The following PLCB1 variants were observed in gnomAD, a reference collection of about 807,000 sequenced individuals.
PLCB1 encodes 1-phosphatidylinositol 4,5-bisphosphate phosphodiesterase beta-1.
A neutral mutation model predicts 161.8 loss-of-function variants in PLCB1; 46 were observed. That is an observed-to-expected ratio of 0.28 (90% confidence interval 0.22 to 0.36). The LOEUF is 0.36. Among genes scored for constraint, PLCB1 ranks in the 10% least tolerant of loss-of-function variants. The probability of loss-of-function intolerance (pLI) is 1.00; values close to 1 mark genes in which losing one functional copy is unlikely to be tolerated. For missense variants in PLCB1, 1,016 were observed against 1,472.5 expected, an observed-to-expected ratio of 0.69 and a Z score of 5.07; for synonymous variants, 517 against 503.7, an observed-to-expected ratio of 1.03 and a Z score of -0.35.
At chr20:8,680,375 T>C (rs6140687) in intron 9 of PLCB1, among the ~76,000 whole-genome samples, 7,832 of 152,292 alleles carry the variant, frequency 0.051, 262 homozygotes, top group East Asian at 0.13. Flanking sequence ...AACATCTGTA[T>C]TTTTGCAAAT....
intron 3 of PLCB1, among the ~76,000 whole-genome samples, chr20:8,389,182 G>A (rs1987518984): frequency 6.6e-6 from 1 of 152,186 alleles, no homozygotes; most frequent in Admixed American, 6.6e-5. Context: ...AATTTGAGAA[G>A]AGGTTGGTGT....
chr20:8,718,980 A>T (rs1045712525), intron 14 of PLCB1, among the ~76,000 whole-genome samples: 7 of 152,212 alleles, frequency 4.6e-5, no homozygotes, highest in Non-Finnish European at 8.8e-5. Flanking sequence ...AGGATGCCTA[A>T]TATCATTTCT....
chr20:8,541,476 G>C (rs1020365978), intron 3 of PLCB1, among the ~76,000 whole-genome samples: 1 of 151,750 alleles, frequency 6.6e-6, no homozygotes, highest in Non-Finnish European at 1.5e-5. Flanking sequence ...GCACTGCATT[G>C]GTTCTCCAAA....
intron 3 of PLCB1, among the ~76,000 whole-genome samples, chr20:8,410,591 C>G (rs1232774): frequency 0.023 from 3,455 of 151,956 alleles, 121 homozygotes; most frequent in African/African-American, 0.075. Flanking sequence ...ACACTTGACA[C>G]GTGAGCCTCT....
intron 27 of PLCB1, among the ~76,000 whole-genome samples, chr20:8,776,102 A>G (rs1300465789): frequency 1.3e-5 from 2 of 152,190 alleles, no homozygotes; most frequent in African/African-American, 4.8e-5. Context: ...ACTCATCCCC[A>G]GTAGTCCAGA....
At chr20:8,667,323 C>T (rs1280392472) in intron 9 of PLCB1, among the ~76,000 whole-genome samples, 1 of 152,082 alleles carries the variant, frequency 6.6e-6, no homozygotes, top group Non-Finnish European at 1.5e-5. Flanking sequence ...CATTGTCGTC[C>T]CTGAGTGCAT....
At chr20:8,585,358 A>G (rs1270926628) in intron 3 of PLCB1, among the ~76,000 whole-genome samples, 2 of 152,182 alleles carry the variant, frequency 1.3e-5, no homozygotes, top group East Asian at 3.9e-4. Context: ...ACTCCAGTTC[A>G]CTGACCCTTA....
intron 5 of PLCB1, 49 bp from the exon 6 acceptor site, chr20:8,647,851 A>C: frequency 6.8e-7 from 1 of 1,464,460 alleles, no homozygotes; most frequent in Non-Finnish European, 9.6e-7. Context: ...TCAAGAAAAA[A>C]AAGCTTTTTT....
At chr20:8,747,061 G>A (rs747353674) in intron 23 of PLCB1, among the ~76,000 whole-genome samples, 1 of 152,184 alleles carries the variant, frequency 6.6e-6, no homozygotes, top group Non-Finnish European at 1.5e-5. Flanking sequence ...TAGCAAGGAT[G>A]GGCCCTTCAT....
intron 2 of PLCB1, among the ~76,000 whole-genome samples, chr20:8,236,690 G>T (rs1980346146): frequency 6.6e-6 from 1 of 151,982 alleles, no homozygotes; most frequent in African/African-American, 2.4e-5. Context: ...ATTCACAAAT[G>T]CCAAGTCCGA....
intron 3 of PLCB1, among the ~76,000 whole-genome samples, chr20:8,616,352 C>T (rs895599927): frequency 3.3e-5 from 5 of 152,178 alleles, no homozygotes; most frequent in African/African-American, 9.7e-5. Context: ...CATGCTACTC[C>T]ACTGCCTGAA....
intron 23 of PLCB1, among the ~76,000 whole-genome samples, chr20:8,752,509 A>T (rs765298832): frequency 6.6e-6 from 1 of 151,992 alleles, no homozygotes; most frequent in Non-Finnish European, 1.5e-5. Context: ...ATGTGTACCT[A>T]TGGGCTGGGC....
chr20:8,871,675 C>T (rs945061275), intron 31 of PLCB1, among the ~76,000 whole-genome samples: 1 of 152,118 alleles, frequency 6.6e-6, no homozygotes, highest in Non-Finnish European at 1.5e-5. Flanking sequence ...GCATCAAAAT[C>T]AACAAAAAAC....
intron 2 of PLCB1, among the ~76,000 whole-genome samples, chr20:8,273,180 T>A (rs1982369367): frequency 6.6e-6 from 1 of 152,204 alleles, no homozygotes; most frequent in Non-Finnish European, 1.5e-5. Flanking sequence ...TAAAGCTGGA[T>A]GAACTAAATT....
At chr20:8,601,203 A>G (rs1195337047) in intron 3 of PLCB1, among the ~76,000 whole-genome samples, 2 of 152,232 alleles carry the variant, frequency 1.3e-5, no homozygotes, top group African/African-American at 4.8e-5. Flanking sequence ...AAAGAAGTAG[A>G]GAGAAAATTG....
At chr20:8,464,633 C>T (rs994038025) in intron 3 of PLCB1, among the ~76,000 whole-genome samples, 5 of 152,292 alleles carry the variant, frequency 3.3e-5, no homozygotes, top group African/African-American at 9.6e-5. Flanking sequence ...GGTACAAGTG[C>T]ATAGTCCCAT....
chr20:8,764,109 G>C (rs1939749563), intron 25 of PLCB1, among the ~76,000 whole-genome samples: 1 of 152,136 alleles, frequency 6.6e-6, no homozygotes, highest in South Asian at 2.1e-4. Context: ...GGAGGTTGCA[G>C]TGAGCTGAGA....
chr20:8,554,180 A>G (rs1341664514), intron 3 of PLCB1, among the ~76,000 whole-genome samples: 3 of 152,108 alleles, frequency 2.0e-5, no homozygotes, highest in African/African-American at 7.2e-5. Flanking sequence ...ACTACTTTGG[A>G]AAACTCTCTG....
At chr20:8,775,407 C>T (rs889302582) in intron 27 of PLCB1, among the ~76,000 whole-genome samples, 12 of 152,082 alleles carry the variant, frequency 7.9e-5, no homozygotes, top group African/African-American at 2.9e-4. Context: ...TATGCCAAAA[C>T]CAAAGAAATA....
Sources: allele counts gnomAD v4.1 joint callset (sites outside exome capture counted in the v4.1 genomes callset), GRCh38; gene constraint gnomAD v4.1.1; transcripts MANE v1.5; gene names NCBI Gene and HGNC (gene_info 2026-07-23, HGNC 2026-07-21).